Variants in LYST observed in about 807,000 individuals in gnomAD.
The protein encoded by LYST is lysosomal trafficking regulator, also known as lysosomal-trafficking regulator.
In LYST, 192 loss-of-function variants were observed where a neutral mutation model predicts 413.6. The observed-to-expected ratio is 0.46, with a 90% confidence interval of 0.41 to 0.52. LYST has a LOEUF of 0.52. Ranked by LOEUF, LYST falls within the 20% of genes least tolerant of loss-of-function variation. The pLI, the probability that LYST is intolerant of heterozygous loss-of-function variation, is 0.00. For synonymous variants in LYST, 1,525 were observed against 1,567.3 expected, an observed-to-expected ratio of 0.97 and a Z score of 0.64; for missense variants, 3,815 against 4,499.9, an observed-to-expected ratio of 0.85 and a Z score of 4.35.
intron 22 of LYST, 69 bp downstream of exon 22, chr1:235,762,651 C>A (rs1045928289): frequency 9.4e-6 from 14 of 1,488,968 alleles, no homozygotes; most frequent in Non-Finnish European, 1.3e-5. Context: ...AAAATATGTA[C>A]AATTTAATTA....
Position 235,777,185 on chromosome 1 carries a change from C to T in LYST, c.5338G>A (p.Val1780Ile), listed in dbSNP as rs1457204702. ...LSQRPFSSKEVQSILLEPHHL... is the reference protein window; with the variant it reads ...LSQRPFSSKEIQSILLEPHHL... ...TGAGGTTCTAATAAGATGCTCTGAA[C>T]TTCTTTTGAGCTGAAGGGTCTTTGA... Residue 1780 changes from valine to isoleucine, a missense_variant, in exon 17 of 53, where the codon GTT (valine) becomes ATT (isoleucine). By Grantham distance (29) the Val-to-Ile change is conservative (BLOSUM62 3). Coordinates refer to ENST00000389793, the MANE Select transcript of LYST (RefSeq NM_000081.4). The T allele has an allele frequency of 6.2e-7, 1 of 1,613,740 alleles. No individual in the cohort carries two copies. The highest frequency in any genetic ancestry group is 8.5e-7 in the Non-Finnish European group (1 of 1,179,824).
chr1:235,805,736 G>A lies in LYST; in HGVS notation c.3393+7C>T. The A allele has an allele frequency of 1.2e-6, 2 of 1,604,088 alleles. No homozygotes were observed. Among genetic ancestry groups the A allele is most frequent in the East Asian group, 2.2e-5 (1 of 44,760 alleles). On this transcript the variant is annotated splice_region_variant and intron_variant, in intron 6 of 52. Transcript: ENST00000389793. Reference sequence around the variant, plus strand: ...ACATAAGAGTTGGACTAAGGACAAGGTATTACCTGATTAGGTAACTCCAAT... The same window carrying A: ...ACATAAGAGTTGGACTAAGGACAAGATATTACCTGATTAGGTAACTCCAAT...
Position 235,800,400 on chromosome 1 carries a change from A to G in LYST, c.3940-14T>C. The G allele has an allele frequency of 1.4e-6, 2 of 1,425,974 alleles. No individual in the cohort carries two copies. Among genetic ancestry groups the G allele is most frequent in the Non-Finnish European group, 9.9e-7 (1 of 1,008,838 alleles). 88.3% of individuals were successfully genotyped at this position (1,425,974 alleles called of 1,614,324 possible). The stretch of plus-strand genomic sequence containing the variant: ...TTTCACAGTTCCCTGAAGATTAAAA[A>G]AAATACAAAATTAAATTACTTACCT... On this transcript the variant is annotated splice_polypyrimidine_tract_variant and intron_variant, in intron 9 of 52. Coordinates refer to ENST00000389793, the MANE Select transcript of LYST (RefSeq NM_000081.4).
intron 10 of LYST, among the ~76,000 whole-genome samples, chr1:235,799,024 G>A (rs1666564276): frequency 6.6e-6 from 1 of 152,156 alleles, no homozygotes. Flanking sequence ...CAATAAACCT[G>A]TCATTAAATA....
chr1:235,723,457 T>C (rs1018092967), intron 39 of LYST, among the ~76,000 whole-genome samples: 4 of 152,040 alleles, frequency 2.6e-5, no homozygotes, highest in African/African-American at 7.2e-5. Context: ...TGAGAAGCAA[T>C]GGCTGGTAAG....
intron 1 of LYST, among the ~76,000 whole-genome samples, chr1:235,879,386 A>G (rs1450465300): frequency 6.6e-6 from 1 of 152,200 alleles, no homozygotes; most frequent in Non-Finnish European, 1.5e-5. Flanking sequence ...AAAAGCAGGG[A>G]GCATATGGCG....
chr1:235,776,240 T>C (rs1669218099), intron 17 of LYST, among the ~76,000 whole-genome samples: 1 of 152,064 alleles, frequency 6.6e-6, no homozygotes, highest in Non-Finnish European at 1.5e-5. Flanking sequence ...AAAAGACAGA[T>C]TACAGAGTAT....
intron 1 of LYST, among the ~76,000 whole-genome samples, chr1:235,849,147 C>CA (rs1678233448): frequency 6.6e-6 from 1 of 152,072 alleles, no homozygotes. Flanking sequence ...AATCCAAGAA[C>CA]ATGTCAAAAA....
At chr1:235,743,484 T>C (rs1252485618) in intron 30 of LYST, among the ~76,000 whole-genome samples, 1 of 152,200 alleles carries the variant, frequency 6.6e-6, no homozygotes, top group Non-Finnish European at 1.5e-5. Flanking sequence ...TTTGTTCCGT[T>C]GTGTCAACTG....
chr1:235,812,195 GA>G (rs1268822945), intron 4 of LYST, among the ~76,000 whole-genome samples: 1 of 150,718 alleles, frequency 6.6e-6, no homozygotes, highest in Non-Finnish European at 1.5e-5. Flanking sequence ...ACCCAAGCTT[GA>G]AACAAAATAT....
At chr1:235,713,273 A>T in intron 42 of LYST, 1 of 802,650 alleles carries the variant, frequency 1.2e-6, no homozygotes, top group Non-Finnish European at 1.5e-6. Flanking sequence ...AAAAGTTATC[A>T]ATCAAAATGG....
chr1:235,700,427 G>A (rs1661453369), intron 45 of LYST, among the ~76,000 whole-genome samples: 1 of 152,180 alleles, frequency 6.6e-6, no homozygotes, highest in Admixed American at 6.5e-5. Flanking sequence ...CAAAGGATAT[G>A]AACAGCCACT....
intron 48 of LYST, among the ~76,000 whole-genome samples, chr1:235,679,860 G>A (rs1659673195): frequency 6.6e-6 from 1 of 152,164 alleles, no homozygotes. Context: ...CACAGAGGCT[G>A]TCCAAGGACA....
Position 235,746,185 on chromosome 1 carries a change from T to C in LYST, c.7972+151A>G, listed in dbSNP as rs10926565. 0.25 allele frequency: 168,925 copies of C among 683,340 alleles called. 22,696 individuals are homozygous for C. Among genetic ancestry groups the C allele is most frequent in the African/African-American group, 0.34 (18,605 of 55,446 alleles). 42.3% of individuals were successfully genotyped at this position (683,340 alleles called of 1,614,324 possible). A position where few individuals can be genotyped will look rare whatever the true frequency, so the allele number is the denominator to read the frequency against. On this transcript the variant is annotated intron_variant, in intron 29 of 52. Coordinates refer to ENST00000389793, the MANE Select transcript of LYST (RefSeq NM_000081.4). ...AAAGTGGACTTTTATTCAAGACTTA[T>C]CAGTTCCAAATAAGAAACTCTTAAT...
At chr1:235,762,593 C>T in intron 22 of LYST, 127 bp downstream of exon 22, 3 of 910,710 alleles carry the variant, frequency 3.3e-6, no homozygotes, top group South Asian at 2.9e-5. Context: ...AGGACCTGTG[C>T]TGGGTGTCTC....
intron 3 of LYST, among the ~76,000 whole-genome samples, chr1:235,821,147 AT>A (rs1446583585): frequency 2.0e-5 from 3 of 152,234 alleles, no homozygotes; most frequent in African/African-American, 4.8e-5. Flanking sequence ...TATTAAAAAT[AT>A]TATTGGCATC....
chr1:235,693,549 A>C lies in LYST; in HGVS notation c.10565-63T>G. 6 of 1,598,160 alleles carry C rather than the reference A, an allele frequency of 3.8e-6. No homozygotes were observed. The South Asian group carries it at 5.5e-5, about 15-fold the overall frequency. ...CTGCTCGACTGTTACATGACAGCCC[A>C]AAACTGGCAGATTAAAGGGTGAAGT... On this transcript the variant is annotated intron_variant, in intron 46 of 52. Transcript: ENST00000389793.
Position 235,791,801 on chromosome 1 carries a change from C to T in LYST, c.4441G>A (p.Val1481Met). 1 of 1,614,058 alleles carries T rather than the reference C, an allele frequency of 6.2e-7. No individual in the cohort carries two copies. Among genetic ancestry groups the T allele is most frequent in the Non-Finnish European group, 8.5e-7 (1 of 1,179,888 alleles). The stretch of plus-strand genomic sequence containing the variant: ...CTCTCAGCTTCATGGATACACTCCA[C>T]ATTAAACCACAGGGAAACACTGAAA... ...EGFSVSLWFN[V>M]ECIHEAESTT... The change falls in exon 12 of 53, where the codon GTG becomes ATG. Residue 1481 changes from valine to methionine, a missense_variant. This residue lies in a region of LYST where 1,648 missense variants were observed against 1,810.3 expected (regional missense o/e 0.91). Transcript: ENST00000389793.
At chr1:235,782,349 T>G (rs1669955717) in intron 14 of LYST, among the ~76,000 whole-genome samples, 1 of 151,996 alleles carries the variant, frequency 6.6e-6, no homozygotes, top group African/African-American at 2.4e-5. Context: ...TTTGTATTTT[T>G]TTTTTAGTAA....
Sources: gnomAD v4.1 joint callset for allele counts (sites outside exome capture counted in the v4.1 genomes callset) on GRCh38, gnomAD v4.1.1 for gene constraint, gnomAD v4.1.1 regional missense constraint, MANE v1.5 for transcripts, NCBI Gene and HGNC (gene_info 2026-07-23, HGNC 2026-07-21) for gene names.